Variants in MLPH observed in about 807,000 individuals in gnomAD.
The protein encoded by MLPH is melanophilin, also known as exophilin-3.
MLPH carries 51 observed loss-of-function variants against 72.1 expected under a neutral mutation model. That is an observed-to-expected ratio of 0.71 (90% CI 0.56 to 0.89). MLPH has a LOEUF of 0.89. Ranked by LOEUF, MLPH falls within the 40% of genes least tolerant of loss-of-function variation. The pLI is 0.00. For synonymous variants in MLPH, 301 were observed against 310.1 expected, an observed-to-expected ratio of 0.97 and a Z score of 0.31; for missense variants, 743 against 759.9, an observed-to-expected ratio of 0.98 and a Z score of 0.26.
At chr2:237,486,645 T>C (rs1246550490), upstream of MLPH, 1 of 152,290 alleles carries the variant, frequency 6.6e-6, no homozygotes, top group Non-Finnish European at 1.5e-5. Context: ...TCTTGACTTT[T>C]TCTTGGCGGG....
At chr2:237,551,609 C>T (rs527290323) in intron 14 of MLPH, among the ~76,000 whole-genome samples, 51 of 152,358 alleles carry the variant, frequency 3.3e-4, no homozygotes, top group African/African-American at 1.2e-3. Context: ...AGCTACACAG[C>T]CATGGCCCCA....
At chr2:237,519,807 C>T in intron 5 of MLPH, 103 bp from the exon 6 acceptor site, 4 of 1,557,986 alleles carry the variant, frequency 2.6e-6, no homozygotes, top group Non-Finnish European at 3.5e-6. Context: ...GCCTGCCCCG[C>T]CCCTCTGGGG....
chr2:237,553,116 C>T, intron 15 of MLPH: 1 of 472,718 alleles, frequency 2.1e-6, no homozygotes, highest in Non-Finnish European at 4.4e-6. Flanking sequence ...TGGCCCCAAC[C>T]AATGTGATCA....
chr2:237,521,745 G>A (rs1477935034), intron 6 of MLPH, among the ~76,000 whole-genome samples: 1 of 152,116 alleles, frequency 6.6e-6, no homozygotes, highest in African/African-American at 2.4e-5. Context: ...TAGTGCTGGA[G>A]TGGAGCAGGG....
In MLPH at chr2:237,549,214, C is replaced by G; in HGVS notation, c.1618-7C>G. On this transcript the variant is annotated splice_polypyrimidine_tract_variant and splice_region_variant and intron_variant, in intron 13 of 15. Transcript: ENST00000264605. Reference sequence around the variant, plus strand: ...GATGAAGCCTGGAGACACTCTGTTTCTTCTAGGCAATGGCTGTGCCCTATC... The same window carrying G: ...GATGAAGCCTGGAGACACTCTGTTTGTTCTAGGCAATGGCTGTGCCCTATC... The G allele has an allele frequency of 6.2e-7, 1 of 1,613,606 alleles. No individual in the cohort carries two copies. Among genetic ancestry groups the G allele is most frequent in the South Asian group, 1.1e-5 (1 of 91,062 alleles).
chr2:237,514,779 T>C (rs2106304560), intron 4 of MLPH, among the ~76,000 whole-genome samples: 1 of 152,244 alleles, frequency 6.6e-6, no homozygotes, highest in East Asian at 1.9e-4. Flanking sequence ...AAGAGAAAGA[T>C]TTAAGTAAAA....
chr2:237,497,484 AG>A (rs1218441963), intron 2 of MLPH, among the ~76,000 whole-genome samples: 2 of 152,210 alleles, frequency 1.3e-5, no homozygotes, highest in Non-Finnish European at 2.9e-5. Context: ...GCAGGGCCCC[AG>A]CGTGTGGGCA....
intron 1 of MLPH, among the ~76,000 whole-genome samples, chr2:237,490,778 G>A (rs2079413472): frequency 6.6e-6 from 1 of 152,178 alleles, no homozygotes; most frequent in African/African-American, 2.4e-5. Flanking sequence ...GAAAGTGTGT[G>A]CTCTGTGAGA....
intron 2 of MLPH, among the ~76,000 whole-genome samples, chr2:237,508,639 T>G (rs1574847279): frequency 6.6e-6 from 1 of 152,234 alleles, no homozygotes; most frequent in African/African-American, 2.4e-5. Flanking sequence ...GAGAGGTCCC[T>G]GGACCACACT....
At chr2:237,552,465 G>A in intron 15 of MLPH, 28 bp downstream of exon 15, 1 of 1,586,842 alleles carries the variant, frequency 6.3e-7, no homozygotes, top group Non-Finnish European at 8.7e-7. Context: ...TCTCTGAGGA[G>A]TTTTTAAAGT....
At chr2:237,487,170 C>T (rs17524101), upstream of MLPH, 14,969 of 152,282 alleles carry the variant, frequency 0.098, 908 homozygotes, top group Admixed American at 0.18. Flanking sequence ...GGCAGGGCAT[C>T]CAGAGGTGTC....
intron 12 of MLPH, among the ~76,000 whole-genome samples, chr2:237,544,454 G>A (rs539132926): frequency 8.3e-4 from 47 of 56,788 alleles, no homozygotes; most frequent in East Asian, 2.9e-3. Context: ...AGTGAGTGGG[G>A]GGACAGTAGT....
chr2:237,492,518 G>A (rs1401670542), intron 1 of MLPH, among the ~76,000 whole-genome samples: 2 of 151,858 alleles, frequency 1.3e-5, no homozygotes, highest in Non-Finnish European at 1.5e-5. Flanking sequence ...GATTTGCTGA[G>A]GGTGAGGCCT....
At chr2:237,535,910 C>T (rs1424870869) in intron 9 of MLPH, among the ~76,000 whole-genome samples, 1 of 152,192 alleles carries the variant, frequency 6.6e-6, no homozygotes, top group African/African-American at 2.4e-5. Flanking sequence ...GGGGTCTCAT[C>T]TCTGGCACCA....
At chr2:237,499,953 C>T (rs1411171801) in intron 2 of MLPH, among the ~76,000 whole-genome samples, 3 of 152,092 alleles carry the variant, frequency 2.0e-5, no homozygotes, top group Non-Finnish European at 4.4e-5. Flanking sequence ...TCTATGTTGT[C>T]CAGGCTTGTC....
At chr2:237,490,146 C>A (rs990542994) in intron 1 of MLPH, among the ~76,000 whole-genome samples, 1 of 152,162 alleles carries the variant, frequency 6.6e-6, no homozygotes, top group Admixed American at 6.5e-5. Flanking sequence ...TGCCCTCCCC[C>A]AGCACATACT....
intron 1 of MLPH, among the ~76,000 whole-genome samples, chr2:237,489,982 T>C (rs558943362): frequency 5.0e-4 from 76 of 152,306 alleles, no homozygotes; most frequent in African/African-American, 1.7e-3. Context: ...GCTATTCAAC[T>C]GCTGGGGAAG....
chr2:237,512,029 G>A lies in MLPH; in HGVS notation c.445+928G>A, dbSNP rs1281836897. On this transcript the variant is annotated intron_variant, in intron 4 of 15. Transcript: ENST00000264605. This position sits in a 1 kb window ranked among gnomAD's most constrained non-coding sequence, Gnocchi z 5.5. ...TGGGACAGCCGCCACCAAGCCAGGT[G>A]TCTGGGGTCTCAGTGTCCTGGATGA... Among the ~76,000 whole-genome samples the A allele has an allele frequency of 6.6e-6, 1 of 152,244 alleles. No homozygotes were observed. The highest frequency in any genetic ancestry group is 1.5e-5 in the Non-Finnish European group (1 of 68,044).
chr2:237,534,681 C>T, intron 9 of MLPH, 34 bp downstream of exon 9: 3 of 1,529,884 alleles, frequency 2.0e-6, no homozygotes, highest in South Asian at 2.2e-5. Context: ...AGAAAGGGCC[C>T]CCACAGCTCC....
Sources: allele counts gnomAD v4.1 joint callset (sites outside exome capture counted in the v4.1 genomes callset), GRCh38; gene constraint gnomAD v4.1.1; non-coding constraint Gnocchi (gnomAD v3.1); transcripts MANE v1.5; gene names NCBI Gene and HGNC (gene_info 2026-07-23, HGNC 2026-07-21).